The following WTIP variants were observed in gnomAD, a reference collection of about 807,000 sequenced individuals.
WTIP encodes the protein WT1 interacting protein, also known as Wilms tumor protein 1-interacting protein.
WTIP carries 23 observed loss-of-function variants against 41.7 expected under a neutral mutation model. The ratio of observed to expected loss-of-function variants is 0.55; its 90% CI spans 0.40 to 0.78. WTIP has a LOEUF of 0.78. Among genes scored for constraint, WTIP ranks in the 30% least tolerant of loss-of-function variants. The pLI is 0.00. For missense variants in WTIP, 619 were observed against 610.5 expected (o/e 1.01, Z -0.15); for synonymous variants, 314 against 269.9 (o/e 1.16, Z -1.60).
At chr19:34,497,844 C>T (rs1445416789) in intron 7 of WTIP, among the ~76,000 whole-genome samples, 2 of 152,156 alleles carry the variant, frequency 1.3e-5, no homozygotes, top group South Asian at 2.1e-4. Flanking sequence ...ACAGGACCTC[C>T]GCGTCCCTCC....
intron 1 of WTIP, among the ~76,000 whole-genome samples, chr19:34,483,998 C>A (rs2075784654): frequency 1.5e-5 from 2 of 136,386 alleles, no homozygotes. Flanking sequence ...GTGATCTTGG[C>A]TCACTGCAAC....
intron 6 of WTIP, among the ~76,000 whole-genome samples, chr19:34,494,925 T>C (rs1411794058): frequency 6.6e-6 from 1 of 152,204 alleles, no homozygotes; most frequent in African/African-American, 2.4e-5. Context: ...TCTTCTCAGC[T>C]CTGCAGGCTG....
chr19:34,493,619 A>C lies in WTIP; in HGVS notation c.1028A>C (p.His343Pro). The change falls in exon 5 of 8, where the codon CAC becomes CCC. Residue 343 changes from histidine (H) to proline (P), a missense_variant. Physicochemically the swap from His to Pro is moderately conservative, Grantham distance 77. Coordinates refer to ENST00000590071, the MANE Select transcript of WTIP (RefSeq NM_001080436.2). This position sits in a 1 kb window ranked among gnomAD's most constrained non-coding sequence, Gnocchi z 4.1. ...ENNIYCVRDY[H>P]TVFAPKCASC... is the part of the protein sequence containing the mutation. ...AACATCTACTGCGTGCGAGACTATC[A>C]CACGTGAGTTGCTGGTGCTGTGGAG... 1 of 1,613,254 alleles carries C rather than the reference A, an allele frequency of 6.2e-7. No homozygotes were observed.
intron 1 of WTIP, among the ~76,000 whole-genome samples, chr19:34,485,123 G>T (rs944371478): frequency 2.0e-5 from 3 of 151,862 alleles, no homozygotes; most frequent in Non-Finnish European, 4.4e-5. Context: ...TTGCTCTGTC[G>T]CCCAGGCTGG....
Position 34,502,840 on chromosome 19 carries a change from C to T in WTIP, c.*2571C>T, listed in dbSNP as rs2075894795. On this transcript the variant is annotated 3_prime_UTR_variant, in exon 8 of 8. Transcript: ENST00000590071. ...GAGTGTTGGGATTACAGGCTTGAGC[C>T]ACCGTGCCTGGCCTGGGCTCCTTTG... The T allele has an allele frequency of 6.6e-6, 1 of 152,290 alleles. No homozygotes were observed. The highest frequency in any genetic ancestry group is 1.5e-5 in the Non-Finnish European group (1 of 68,148). 9.4% of individuals were successfully genotyped at this position (152,290 alleles called of 1,614,324 possible). A position where few individuals can be genotyped will look rare whatever the true frequency, so the allele number is the denominator to read the frequency against.
intron 7 of WTIP, among the ~76,000 whole-genome samples, chr19:34,499,876 T>C (rs2075875038): frequency 6.6e-6 from 1 of 151,972 alleles, no homozygotes; most frequent in Non-Finnish European, 1.5e-5. Context: ...ATTTTGTATT[T>C]TTAGTAGAGA....
intron 7 of WTIP, among the ~76,000 whole-genome samples, chr19:34,497,269 GCAGT>G (rs2075859838): frequency 6.6e-6 from 1 of 152,286 alleles, no homozygotes; most frequent in South Asian, 2.1e-4. Flanking sequence ...CAGTCTCCAG[GCAGT>G]CAGTCGGGTG....
intron 7 of WTIP, among the ~76,000 whole-genome samples, chr19:34,497,596 G>A (rs1275199095): frequency 6.6e-6 from 1 of 152,176 alleles, no homozygotes; most frequent in East Asian, 1.9e-4. Flanking sequence ...GGCCACAAAG[G>A]GAGACTGAGG....
In WTIP at chr19:34,482,292, A is replaced by G; in HGVS notation, c.318A>G (p.Arg106=). 2 of 1,353,070 alleles carry G rather than the reference A, an allele frequency of 1.5e-6. No individual in the cohort carries two copies. Among genetic ancestry groups the G allele is most frequent in the Non-Finnish European group, 1.9e-6 (2 of 1,044,518 alleles). 83.8% of individuals were successfully genotyped at this position (1,353,070 alleles called of 1,614,324 possible). A position where few individuals can be genotyped will look rare whatever the true frequency, so the allele number is the denominator to read the frequency against. ...SDGGGGGGSA[R]SSGISLGYDQ... ...GCGGCGGCGGTGGCGGCAGCGCCCGATCCAGCGGCATCAGCCTGGGCTACG... is the reference window on the plus strand; with the variant it reads ...GCGGCGGCGGTGGCGGCAGCGCCCGGTCCAGCGGCATCAGCCTGGGCTACG... Residue 106 remains arginine (R), a synonymous_variant, in exon 1 of 8, where the codon CGA becomes CGG. Coordinates refer to ENST00000590071, the MANE Select transcript of WTIP (RefSeq NM_001080436.2).
chr19:34,501,315 C>G lies in WTIP; in HGVS notation c.*1046C>G, dbSNP rs780099397. 2.6e-5 allele frequency: 4 copies of G among 152,364 alleles called. No homozygotes were observed. The highest frequency in any genetic ancestry group is 2.9e-5 in the Non-Finnish European group (2 of 68,058). The allele number at this position is 152,364 out of a possible 1,614,324, so 9.4% of individuals were successfully genotyped here. A position where few individuals can be genotyped will look rare whatever the true frequency, so the allele number is the denominator to read the frequency against. On this transcript the variant is annotated 3_prime_UTR_variant, in exon 8 of 8. Transcript: ENST00000590071. ...TCCTGAAATTCCTCTAAAACTTCGC[C>G]ACGCGTGTCCACCTTTCAGACTTTA... is the stretch of plus-strand genomic sequence containing the variant.
rs112434509 is a variant in WTIP at position 34,503,711 on chromosome 19, T to A, written c.*3442T>A. ...AGCTCTTCAGCTTGGGCCCGCCTGG[T>A]GGCTCACGCTACTCTCCACCGTGCC... On this transcript the variant is annotated 3_prime_UTR_variant, in exon 8 of 8. Coordinates refer to ENST00000590071, the MANE Select transcript of WTIP (RefSeq NM_001080436.2). 0.031 allele frequency: 4,764 copies of A among 152,606 alleles called. 177 individuals are homozygous for A. The highest frequency in any genetic ancestry group is 0.09 in the African/African-American group (3,724 of 41,530). 9.5% of individuals were successfully genotyped at this position (152,606 alleles called of 1,614,324 possible).
chr19:34,495,766 T>G lies in WTIP; in HGVS notation c.1147T>G (p.Cys383Gly), dbSNP rs780595046. 1.2e-6 allele frequency: 2 copies of G among 1,613,712 alleles called. No homozygotes were observed. The highest frequency in any genetic ancestry group is 1.7e-6 in the Non-Finnish European group (2 of 1,179,934). Residue 383 changes from cysteine (C) to glycine (G), a missense_variant, in exon 7 of 8, where the codon TGT becomes GGT. Around this residue, in one of 3 missense-constraint regions of WTIP, gnomAD observed 92 missense variants for 82.4 expected, o/e 1.12. Transcript: ENST00000590071. ...DRDYHVACYH[C>G]EDCGLQLSGE... is the part of the protein sequence containing the mutation. The stretch of plus-strand genomic sequence containing the variant: ...AGACTACCACGTGGCATGTTACCAC[T>G]GTGAGGTGAGCCTGGGCCCACAGGA...
intron 7 of WTIP, among the ~76,000 whole-genome samples, chr19:34,496,796 C>T (rs538459340): frequency 5.9e-5 from 9 of 151,680 alleles, no homozygotes; most frequent in East Asian, 1.9e-4. Flanking sequence ...TGTAAGTGGG[C>T]GGGGGTTCAG....
chr19:34,500,439 G>C lies in WTIP; in HGVS notation c.*170G>C. The C allele has an allele frequency of 8.2e-6, 8 of 977,024 alleles. No individual in the cohort carries two copies. The highest frequency in any genetic ancestry group is 1.1e-5 in the Non-Finnish European group (8 of 697,844). 60.5% of individuals were successfully genotyped at this position (977,024 alleles called of 1,614,324 possible). A position where few individuals can be genotyped will look rare whatever the true frequency, so the allele number is the denominator to read the frequency against. The stretch of plus-strand genomic sequence containing the variant: ...AAGCTTCTATTTATTCACCGTCTGT[G>C]CCTGCTCAAGTCACTTCCCTGCGGG... On this transcript the variant is annotated 3_prime_UTR_variant, in exon 8 of 8. Transcript: ENST00000590071.
At position 34,500,481 on chromosome 19, in the gene WTIP, C is replaced by T. The variant is rs1015053657; in HGVS notation, c.*212C>T. 53 of 643,182 alleles carry T rather than the reference C, an allele frequency of 8.2e-5. No individual in the cohort carries two copies. The highest frequency in any genetic ancestry group is 1.2e-4 in the Non-Finnish European group (48 of 405,662). 39.8% of individuals were successfully genotyped at this position (643,182 alleles called of 1,614,324 possible). ...CCCTGCGGGCCCTGCCTCCCACCCACCCCATCACCAGCTTTCCACTTGGAG... is the reference window on the plus strand; with the variant it reads ...CCCTGCGGGCCCTGCCTCCCACCCATCCCATCACCAGCTTTCCACTTGGAG... On this transcript the variant is annotated 3_prime_UTR_variant, in exon 8 of 8. Transcript: ENST00000590071.
chr19:34,485,229 C>T (rs1444355612), intron 1 of WTIP, among the ~76,000 whole-genome samples: 2 of 152,070 alleles, frequency 1.3e-5, no homozygotes, highest in South Asian at 2.1e-4. Context: ...ATTACAGGTG[C>T]GTACCGCCAT....
At chr19:34,495,457 A>T (rs886718615) in intron 6 of WTIP, among the ~76,000 whole-genome samples, 1 of 151,826 alleles carries the variant, frequency 6.6e-6, no homozygotes, top group African/African-American at 2.4e-5. Context: ...CAAACACGTG[A>T]CACTCTTGTG....
Position 34,494,852 on chromosome 19 carries a change from G to A in WTIP, c.1083+215G>A, listed in dbSNP as rs577809891. ...GTCGAGGGAAGTGGTGGCCCCTGCC[G>A]CTCAGCTGCCCCACTGCCAGCCTCT... is the stretch of plus-strand genomic sequence containing the variant. On this transcript the variant is annotated intron_variant, in intron 6 of 7. Coordinates refer to ENST00000590071, the MANE Select transcript of WTIP (RefSeq NM_001080436.2). 3.0e-4 allele frequency among the ~76,000 whole-genome samples: 46 copies of A among 152,362 alleles called. No homozygotes were observed. The East Asian group carries it at 7.9e-3, about 26-fold the overall frequency.
Position 34,482,433 on chromosome 19 carries a change from C to A in WTIP, c.459C>A (p.Ala153=). Residue 153 remains alanine (A), a synonymous_variant, in exon 1 of 8, where the codon GCC becomes GCA. Coordinates refer to ENST00000590071, the MANE Select transcript of WTIP (RefSeq NM_001080436.2). ...SVSSLGSRGS[A]GAYADFLPPG... ...CCAGCCTCGGCTCCCGGGGCTCGGC[C>A]GGCGCCTACGCTGACTTCCTCCCGC... The A allele has an allele frequency of 1.5e-6, 2 of 1,339,064 alleles. No individual in the cohort carries two copies. Among genetic ancestry groups the A allele is most frequent in the Non-Finnish European group, 1.9e-6 (2 of 1,044,406 alleles). The allele number at this position is 1,339,064 out of a possible 1,614,324, so 82.9% of individuals were successfully genotyped here.
Sources: gnomAD v4.1 joint callset for allele counts (sites outside exome capture counted in the v4.1 genomes callset) on GRCh38, gnomAD v4.1.1 for gene constraint, gnomAD v4.1.1 regional missense constraint, Gnocchi (gnomAD v3.1) non-coding constraint, MANE v1.5 for transcripts, NCBI Gene and HGNC (gene_info 2026-07-23, HGNC 2026-07-21) for gene names.